RIC1: variants seen among roughly 807,000 people sequenced by gnomAD.
The protein encoded by RIC1 is RIC1 partner of RAB6A GEF complex.
RIC1 carries 88 observed loss-of-function variants against 169.0 expected under a neutral mutation model. That is an observed-to-expected ratio of 0.52 (90% confidence interval 0.44 to 0.62). RIC1 has a LOEUF of 0.62. Ranked by LOEUF, RIC1 falls within the 20% of genes least tolerant of loss-of-function variation. The probability of loss-of-function intolerance (pLI) is 0.00; values close to 1 mark genes in which losing one functional copy is unlikely to be tolerated. For missense variants in RIC1, 1,877 were observed against 1,725.5 expected, an observed-to-expected ratio of 1.09 and a Z score of -1.56; for synonymous variants, 790 against 601.5, an observed-to-expected ratio of 1.31 and a Z score of -4.59.
At position 5,772,950 on chromosome 9, in the gene RIC1, C is replaced by T; in HGVS notation, c.3853C>T (p.Leu1285=). 6.2e-7 allele frequency: 1 copy of T among 1,613,652 alleles called. No individual in the cohort carries two copies. Among genetic ancestry groups the T allele is most frequent in the Non-Finnish European group, 8.5e-7 (1 of 1,179,670 alleles). ...CCTAGACTGGTGCATCGTTATAGGC[C>T]TGATTCTTAGAGAATCCTCAATAAT... is the stretch of plus-strand genomic sequence containing the variant. ...GCLDWCIVIG[L]ILRESSIINQ... Residue 1285 remains leucine (L), a synonymous_variant, in exon 25 of 26, where the codon CTG becomes TTG. Transcript: ENST00000414202.
intron 1 of RIC1, among the ~76,000 whole-genome samples, chr9:5,654,773 G>C (rs1227598077): frequency 6.6e-6 from 1 of 152,070 alleles, no homozygotes; most frequent in Non-Finnish European, 1.5e-5. Context: ...GGCTGGTCTT[G>C]AACTCCTGAC....
At position 5,680,510 on chromosome 9, in the gene RIC1, A is replaced by C. The variant is rs188582017; in HGVS notation, c.253-9449A>C. ...TTGGTAAGCTATTAATTATTGCCTC[A>C]ATTTCAGAGCCTGTTATTGGTCTAT... On this transcript the variant is annotated intron_variant, in intron 2 of 25. Transcript: ENST00000414202. Among the ~76,000 whole-genome samples, 806 of 152,230 alleles carry C rather than the reference A, an allele frequency of 5.3e-3. 12 individuals carry two copies. The highest frequency in any genetic ancestry group is 0.019 in the African/African-American group (771 of 41,542).
intron 1 of RIC1, among the ~76,000 whole-genome samples, chr9:5,630,284 C>G (rs889291604): frequency 2.6e-5 from 4 of 152,236 alleles, no homozygotes; most frequent in African/African-American, 9.6e-5. Flanking sequence ...GCAAACACTG[C>G]TATAACTTTG....
chr9:5,691,233 T>C (rs1188294165), intron 3 of RIC1, among the ~76,000 whole-genome samples: 1 of 151,950 alleles, frequency 6.6e-6, no homozygotes, highest in Non-Finnish European at 1.5e-5. Flanking sequence ...ATATGTAATA[T>C]GACCATGACT....
chr9:5,752,704 G>A (rs1421883446), intron 12 of RIC1, among the ~76,000 whole-genome samples: 1 of 152,138 alleles, frequency 6.6e-6, no homozygotes, highest in African/African-American at 2.4e-5. Flanking sequence ...CCAAAGTGCT[G>A]GGATTACAGG....
In RIC1 at chr9:5,774,086, GC is replaced by G. The variant is rs775836744; in HGVS notation, c.4117del (p.Arg1373GlyfsTer64). ...ATGGGTAAGACTCCAGAACAGACTA[GC>G]CCCCGGGCAGAGGAGAGCAGGGGCT... ...ITMGKTPEQT[S>X]PRAEESRGSS... On this transcript the variant is annotated frameshift_variant, in exon 26 of 26. Transcript: ENST00000414202. LOFTEE classifies it high-confidence loss of function. 1 of 1,613,920 alleles carries G rather than the reference GC, an allele frequency of 6.2e-7. No individual in the cohort carries two copies. Among genetic ancestry groups the G allele is most frequent in the Non-Finnish European group, 8.5e-7 (1 of 1,180,002 alleles).
chr9:5,768,926 C>G (rs766597897), intron 21 of RIC1, 44 bp from the exon 22 acceptor site: 2 of 1,556,006 alleles, frequency 1.3e-6, no homozygotes, highest in East Asian at 4.5e-5. Context: ...GTGAAATCCT[C>G]CAGTAAAGAT....
intron 2 of RIC1, among the ~76,000 whole-genome samples, chr9:5,669,946 T>C (rs1819993906): frequency 6.6e-6 from 1 of 152,176 alleles, no homozygotes; most frequent in Admixed American, 6.5e-5. Context: ...GGGGTCTTGC[T>C]AAACTGGATT....
At chr9:5,773,492 C>T (rs1009957944) in intron 25 of RIC1, among the ~76,000 whole-genome samples, 4 of 152,140 alleles carry the variant, frequency 2.6e-5, no homozygotes, top group Non-Finnish European at 4.4e-5. Context: ...CAAGCAAATC[C>T]AAATTAGAGT....
At chr9:5,670,207 G>T (rs1372175218) in intron 2 of RIC1, among the ~76,000 whole-genome samples, 1 of 152,190 alleles carries the variant, frequency 6.6e-6, no homozygotes, top group African/African-American at 2.4e-5. Context: ...ATTGGCTGTG[G>T]AGTTGAGGCA....
intron 3 of RIC1, among the ~76,000 whole-genome samples, chr9:5,690,456 G>A (rs948127163): frequency 1.3e-5 from 2 of 151,878 alleles, no homozygotes; most frequent in African/African-American, 2.4e-5. Context: ...TGGGAAAAAC[G>A]TGGACTTTTG....
chr9:5,732,338 T>A (rs1476978283), intron 6 of RIC1, 50 bp from the exon 7 acceptor site: 1 of 1,385,516 alleles, frequency 7.2e-7, no homozygotes, highest in East Asian at 2.3e-5. Flanking sequence ...TTGACTACGG[T>A]AAATTTGGAG....
At chr9:5,681,028 T>A (rs1459722846) in intron 2 of RIC1, among the ~76,000 whole-genome samples, 5 of 150,104 alleles carry the variant, frequency 3.3e-5, no homozygotes, top group African/African-American at 7.3e-5. Flanking sequence ...GGGTTTCACC[T>A]TGTTAGCCAG....
chr9:5,688,813 A>G (rs1423177206), intron 2 of RIC1, among the ~76,000 whole-genome samples: 3 of 152,164 alleles, frequency 2.0e-5, no homozygotes, highest in Non-Finnish European at 4.4e-5. Context: ...CTTTGAGTAC[A>G]TGCCCACCTC....
chr9:5,770,540 A>G (rs1378381902), intron 23 of RIC1, among the ~76,000 whole-genome samples: 3 of 152,250 alleles, frequency 2.0e-5, no homozygotes, highest in Non-Finnish European at 4.4e-5. Context: ...GATGATAAGG[A>G]AACACTAACT....
chr9:5,701,004 A>G (rs1822181581), intron 3 of RIC1, among the ~76,000 whole-genome samples: 2 of 152,150 alleles, frequency 1.3e-5, no homozygotes, highest in South Asian at 4.1e-4. Context: ...TCAGAATCGT[A>G]TGGTCAAAGT....
Position 5,774,866 on chromosome 9 carries a change from A to C in RIC1, c.*620A>C, listed in dbSNP as rs1253123721. 6.6e-6 allele frequency: 1 copy of C among 152,266 alleles called. No homozygotes were observed. Among genetic ancestry groups the C allele is most frequent in the Admixed American group, 6.5e-5 (1 of 15,276 alleles). The allele number at this position is 152,266 out of a possible 1,614,324, so 9.4% of individuals were successfully genotyped here. ...TAATGTGCTTGTTTTAGCAAGCTTG[A>C]TTCCCATTAGACCAATGTGGGCAGA... On this transcript the variant is annotated 3_prime_UTR_variant, in exon 26 of 26. Coordinates refer to ENST00000414202, the MANE Select transcript of RIC1 (RefSeq NM_020829.4).
chr9:5,712,331 G>A lies in RIC1; in HGVS notation c.333-1565G>A, dbSNP rs546681527. Reference sequence around the variant, plus strand: ...TTGCATTTCTCTGATGGCCAGTGATGATGAGCATTTTTTCATGTGTCTGTT... The same window carrying A: ...TTGCATTTCTCTGATGGCCAGTGATAATGAGCATTTTTTCATGTGTCTGTT... On this transcript the variant is annotated intron_variant, in intron 3 of 25. Transcript: ENST00000414202. 4.6e-5 allele frequency among the ~76,000 whole-genome samples: 7 copies of A among 152,280 alleles called. No individual in the cohort carries two copies. In the South Asian group the frequency reaches 1.5e-3, roughly 32 times the overall value.
In RIC1 at chr9:5,690,034, C is replaced by A; in HGVS notation, c.328C>A (p.Pro110Thr). The A allele has an allele frequency of 6.3e-7, 1 of 1,581,708 alleles. No individual in the cohort carries two copies. The highest frequency in any genetic ancestry group is 8.6e-7 in the Non-Finnish European group (1 of 1,165,824). Residue 110 changes from proline (P) to threonine (T), a missense_variant, in exon 3 of 26, where the codon CCC becomes ACC. Coordinates refer to ENST00000414202, the MANE Select transcript of RIC1 (RefSeq NM_020829.4). ...GDKYLYEPVY[P>T]KGSPQMKGTP... ...CAAGTACCTTTATGAACCAGTGTAT[C>A]CCAAGTAAGTTTGTTGCCTTTCATT...
Sources: allele counts gnomAD v4.1 joint callset (sites outside exome capture counted in the v4.1 genomes callset), GRCh38; gene constraint gnomAD v4.1.1; transcripts MANE v1.5; gene names NCBI Gene and HGNC (gene_info 2026-07-23, HGNC 2026-07-21).